USP49: variants seen among roughly 807,000 people sequenced by gnomAD.
USP49 encodes the protein ubiquitin carboxyl-terminal hydrolase 49.
A neutral mutation model predicts 58.6 loss-of-function variants in USP49; 24 were observed. The observed-to-expected ratio is 0.41, with a 90% CI of 0.30 to 0.58. The LOEUF is 0.58. USP49 is among the 20% of genes least tolerant of loss of function. The probability of loss-of-function intolerance (pLI) is 0.30; values close to 1 mark genes in which losing one functional copy is unlikely to be tolerated. For synonymous variants in USP49, 408 were observed against 365.1 expected (o/e 1.12, Z -1.34); for missense variants, 703 against 866.1 (o/e 0.81, Z 2.36).
At position 41,882,066 on chromosome 6, in the gene USP49, GA is replaced by G. The variant is rs142716192; in HGVS notation, c.-103+9727del. 5.6e-5 allele frequency among the ~76,000 whole-genome samples: 8 copies of G among 142,942 alleles called. No individual in the cohort carries two copies. In the East Asian group the frequency reaches 1.0e-3, roughly 18 times the overall value. 93.8% of individuals were successfully genotyped at this position (142,942 alleles called of 152,430 possible). A position where few individuals can be genotyped will look rare whatever the true frequency, so the allele number is the denominator to read the frequency against. On this transcript the variant is annotated intron_variant, in intron 2 of 7. Coordinates refer to ENST00000682992, the MANE Select transcript of USP49 (RefSeq NM_001286554.2). ...ATCCACAGATAGTTATATCAATTTT[GA>G]AAAAAAAAAGCAAAGACAGGGAATC...
Position 41,794,259 on chromosome 6 carries a change from TGCTCA to T in USP49, c.*2269_*2273del, listed in dbSNP as rs890439870. On this transcript the variant is annotated 3_prime_UTR_variant, in exon 8 of 8. Coordinates refer to ENST00000682992, the MANE Select transcript of USP49 (RefSeq NM_001286554.2). The stretch of plus-strand genomic sequence containing the variant: ...TTCTTTTATTACTTTGATATATGCG[TGCTCA>T]GCTAAGTTAAGCACTTATTTCACAA... The T allele has an allele frequency of 2.0e-4, 30 of 152,426 alleles. No homozygotes were observed. The highest frequency in any genetic ancestry group is 6.7e-4 in the African/African-American group (28 of 41,586). The allele number at this position is 152,426 out of a possible 1,614,324, so 9.4% of individuals were successfully genotyped here.
chr6:41,869,962 A>G (rs1458305757), intron 3 of USP49, among the ~76,000 whole-genome samples: 1 of 152,226 alleles, frequency 6.6e-6, no homozygotes, highest in Non-Finnish European at 1.5e-5. Flanking sequence ...CTTTATCCTC[A>G]CACATAGTCT....
intron 2 of USP49, among the ~76,000 whole-genome samples, chr6:41,887,833 A>G (rs1287560877): frequency 3.9e-5 from 6 of 152,190 alleles, no homozygotes; most frequent in Non-Finnish European, 8.8e-5. Context: ...GCTGTTTACA[A>G]TTTGACATAT....
In USP49 at chr6:41,853,987, G is replaced by A. The variant is rs560308986; in HGVS notation, c.-29+17577C>T. Among the ~76,000 whole-genome samples the A allele has an allele frequency of 2.3e-4, 23 of 99,216 alleles. 1 individual carries two copies. The East Asian group carries it at 6.0e-3, about 26-fold the overall frequency. 65.1% of individuals were successfully genotyped at this position (99,216 alleles called of 152,430 possible). ...GCACTCCAGCCTGGGCAACAACAGC[G>A]AGACTCTGTCTCGAAAAAAAAAAAA... On this transcript the variant is annotated intron_variant, in intron 3 of 7. Transcript: ENST00000682992.
At chr6:41,873,777 T>C (rs1229433595) in intron 2 of USP49, among the ~76,000 whole-genome samples, 1 of 152,222 alleles carries the variant, frequency 6.6e-6, no homozygotes, top group Non-Finnish European at 1.5e-5. Flanking sequence ...AAAGTTATAT[T>C]AATAAATGTG....
chr6:41,794,615 AT>A lies in USP49; in HGVS notation c.*1917del, dbSNP rs1353764935. On this transcript the variant is annotated 3_prime_UTR_variant, in exon 8 of 8. Coordinates refer to ENST00000682992, the MANE Select transcript of USP49 (RefSeq NM_001286554.2). ...TAATCATGCCGACTTAAAAACGTGG[AT>A]CTTGAGAGTACAGCTTCACATCAGA... The A allele has an allele frequency of 6.6e-6, 1 of 152,154 alleles. No individual in the cohort carries two copies. Among genetic ancestry groups the A allele is most frequent in the Non-Finnish European group, 1.5e-5 (1 of 68,032 alleles). The allele number at this position is 152,154 out of a possible 1,614,324, so 9.4% of individuals were successfully genotyped here.
At position 41,802,472 on chromosome 6, in the gene USP49, TTTATTTA is replaced by T. The variant is rs1463775213; in HGVS notation, c.1561+1327_1561+1333del. Among the ~76,000 whole-genome samples, 425 of 68,878 alleles carry T rather than the reference TTTATTTA, an allele frequency of 6.2e-3. 21 individuals carry two copies. The highest frequency in any genetic ancestry group is 0.022 in the African/African-American group (333 of 14,972). 45.2% of individuals were successfully genotyped at this position (68,878 alleles called of 152,430 possible). A position where few individuals can be genotyped will look rare whatever the true frequency, so the allele number is the denominator to read the frequency against. Reference sequence around the variant, plus strand: ...TATTTATTTATTTATTTATTTATTTTTTATTTATTTTTTTTTTTTGAGACAGCATCTC... The same window carrying T: ...TATTTATTTATTTATTTATTTATTTTTTTTTTTTTTTTGAGACAGCATCTC... On this transcript the variant is annotated intron_variant, in intron 5 of 7. Transcript: ENST00000682992.
chr6:41,829,025 T>C (rs1440479927), intron 3 of USP49, among the ~76,000 whole-genome samples: 1 of 152,216 alleles, frequency 6.6e-6, no homozygotes, highest in Admixed American at 6.5e-5. Context: ...CCCCAAGATA[T>C]ATATTTCTTG....
chr6:41,835,942 G>A (rs750805814), intron 3 of USP49, among the ~76,000 whole-genome samples: 6 of 151,984 alleles, frequency 3.9e-5, no homozygotes, highest in Admixed American at 2.6e-4. Context: ...GCTGGGCATG[G>A]TAATGTGTGC....
At chr6:41,809,463 T>G (rs1297993537) in intron 3 of USP49, among the ~76,000 whole-genome samples, 2 of 151,706 alleles carry the variant, frequency 1.3e-5, no homozygotes, top group Admixed American at 6.6e-5. Flanking sequence ...AGGTGGAGGT[T>G]GCAGTGAGCC....
At chr6:41,853,402 TAG>T (rs1774065093) in intron 3 of USP49, among the ~76,000 whole-genome samples, 1 of 152,216 alleles carries the variant, frequency 6.6e-6, no homozygotes, top group Non-Finnish European at 1.5e-5. Flanking sequence ...TTAATGCGTA[TAG>T]AGTTTCAGAT....
chr6:41,825,516 G>A (rs536000421), intron 3 of USP49, among the ~76,000 whole-genome samples: 5 of 152,022 alleles, frequency 3.3e-5, no homozygotes, highest in Admixed American at 3.3e-4. Flanking sequence ...TCTCTCCTAT[G>A]TTGCCTGTGG....
chr6:41,797,260 G>A (rs924563481), intron 7 of USP49, among the ~76,000 whole-genome samples: 3 of 152,072 alleles, frequency 2.0e-5, no homozygotes, highest in Non-Finnish European at 2.9e-5. Context: ...GCACCCAGCC[G>A]ACTGACTGCA....
At chr6:41,831,534 C>CGTAA (rs1773634694) in intron 3 of USP49, among the ~76,000 whole-genome samples, 1 of 148,906 alleles carries the variant, frequency 6.7e-6, no homozygotes, top group African/African-American at 2.5e-5. Context: ...GAGCCGAGAC[C>CGTAA]GTAACATTGC....
At chr6:41,831,006 C>T (rs2127341614) in intron 3 of USP49, among the ~76,000 whole-genome samples, 1 of 152,140 alleles carries the variant, frequency 6.6e-6, no homozygotes, top group East Asian at 1.9e-4. Flanking sequence ...CCTGTAATCC[C>T]AGCACTTTGG....
At chr6:41,883,045 A>T (rs957079850) in intron 2 of USP49, among the ~76,000 whole-genome samples, 3 of 152,194 alleles carry the variant, frequency 2.0e-5, no homozygotes, top group African/African-American at 7.2e-5. Flanking sequence ...AGTTCTATAA[A>T]TCAACAAGAA....
intron 2 of USP49, among the ~76,000 whole-genome samples, chr6:41,877,556 TG>T (rs1774523601): frequency 7.1e-6 from 1 of 140,496 alleles, no homozygotes; most frequent in Admixed American, 8.0e-5. Context: ...ATCACTCATA[TG>T]GGATCCCATT....
chr6:41,809,448 C>T (rs1773205241), intron 3 of USP49, among the ~76,000 whole-genome samples: 1 of 151,746 alleles, frequency 6.6e-6, no homozygotes, highest in Non-Finnish European at 1.5e-5. Context: ...TCGCTAGAAC[C>T]TAGGAGGTGG....
intron 1 of USP49, among the ~76,000 whole-genome samples, chr6:41,892,270 T>C (rs1438389725): frequency 6.6e-6 from 1 of 152,196 alleles, no homozygotes; most frequent in African/African-American, 2.4e-5. Flanking sequence ...TATAAAGATA[T>C]TGAGCATTAA....
Sources: gnomAD v4.1 joint callset for allele counts (sites outside exome capture counted in the v4.1 genomes callset) on GRCh38, gnomAD v4.1.1 for gene constraint, MANE v1.5 for transcripts, NCBI Gene and HGNC (gene_info 2026-07-23, HGNC 2026-07-21) for gene names.